Variants in AASS observed in about 807,000 individuals in gnomAD.
AASS encodes the protein alpha-aminoadipic semialdehyde synthase, mitochondrial.
AASS carries 86 observed loss-of-function variants against 105.4 expected under a neutral mutation model. The observed-to-expected ratio is 0.82, with a 90% CI of 0.69 to 0.98. AASS has a LOEUF of 0.98. AASS is among the 50% of genes least tolerant of loss of function. The pLI is 0.00. For missense variants in AASS, 1,048 were observed against 1,143.2 expected (o/e 0.92, Z 1.20); for synonymous variants, 381 against 394.8 (o/e 0.96, Z 0.41).
chr7:122,103,626 T>A (rs1794532567), intron 11 of AASS, among the ~76,000 whole-genome samples: 1 of 151,902 alleles, frequency 6.6e-6, no homozygotes, highest in South Asian at 2.1e-4. Flanking sequence ...GAAGTTAAAA[T>A]TCAAAACAGT....
At chr7:122,085,843 T>C (rs866662198) in intron 19 of AASS, among the ~76,000 whole-genome samples, 169 bp downstream of exon 19, 33 of 152,276 alleles carry the variant, frequency 2.2e-4, no homozygotes, top group Middle Eastern at 3.4e-3. Flanking sequence ...ATTATCTTTT[T>C]ATTTTGAGGT....
At chr7:122,120,243 T>G (rs532367683) in intron 4 of AASS, among the ~76,000 whole-genome samples, 7 of 152,206 alleles carry the variant, frequency 4.6e-5, no homozygotes, top group Non-Finnish European at 1.0e-4. Flanking sequence ...TGCCTATTAG[T>G]GGAATTTAGT....
At chr7:122,084,933 G>C (rs1451837014) in intron 19 of AASS, among the ~76,000 whole-genome samples, 1 of 152,086 alleles carries the variant, frequency 6.6e-6, no homozygotes, top group Non-Finnish European at 1.5e-5. Flanking sequence ...TAGGTATGCT[G>C]GTTACATTAG....
chr7:122,136,560 T>C lies in AASS; in HGVS notation c.-15-2819A>G, dbSNP rs377377730. On this transcript the variant is annotated intron_variant, in intron 1 of 23. Coordinates refer to ENST00000417368, the MANE Select transcript of AASS (RefSeq NM_005763.4). Reference sequence around the variant, plus strand: ...TGCATTAAACTCAATCCCAAACCCATAACATTCAGTCTTCTCGAAGCCAAA... The same window carrying C: ...TGCATTAAACTCAATCCCAAACCCACAACATTCAGTCTTCTCGAAGCCAAA... Among the ~76,000 whole-genome samples, 11 of 152,312 alleles carry C rather than the reference T, an allele frequency of 7.2e-5. No individual in the cohort carries two copies. The East Asian group carries it at 1.3e-3, about 19-fold the overall frequency.
chr7:122,098,475 C>T lies in AASS; in HGVS notation c.1630G>A (p.Val544Met). 6.2e-7 allele frequency: 1 copy of T among 1,612,200 alleles called. No homozygotes were observed. Among genetic ancestry groups the T allele is most frequent in the Non-Finnish European group, 8.5e-7 (1 of 1,178,774 alleles). The change falls in exon 15 of 24, where the codon GTG becomes ATG. Residue 544 changes from valine to methionine, a missense_variant. By Grantham distance (21) the Val-to-Met change is conservative. Coordinates refer to ENST00000417368, the MANE Select transcript of AASS (RefSeq NM_005763.4). ...CTGATGACAAGATCCTGTTTTGCCA[C>T]CAAGAAGCCCAGCTTCTCTTCTTGT... Reference protein sequence around the residue: ...CKQEEKLGFLVAKQDLVISLL... With the variant: ...CKQEEKLGFLMAKQDLVISLL...
intron 3 of AASS, among the ~76,000 whole-genome samples, chr7:122,126,963 GTCTCTTCTACCTGGAAAATAACAC>G (rs1243125751): frequency 6.6e-6 from 1 of 152,000 alleles, no homozygotes; most frequent in Non-Finnish European, 1.5e-5. Context: ...GTACACTCAG[GTCTCTTCTACCTGGAAAATAACAC>G]TCTCTTTCAA....
Position 122,078,015 on chromosome 7 carries a change from C to T in AASS, c.2486-1G>A, listed in dbSNP as rs759527383. On this transcript the variant is annotated splice_acceptor_variant, in intron 22 of 23. Transcript: ENST00000417368. LOFTEE classifies it high-confidence loss of function. ...ACAATCATATCTTTTTCTTCAGGACCTTAAAACAAATAAAGATAAGTAAAA... is the reference window on the plus strand; with the variant it reads ...ACAATCATATCTTTTTCTTCAGGACTTTAAAACAAATAAAGATAAGTAAAA... 3.0e-5 allele frequency: 49 copies of T among 1,613,484 alleles called. No homozygotes were observed. The highest frequency in any genetic ancestry group is 4.2e-5 in the Non-Finnish European group (49 of 1,179,584).
chr7:122,085,604 G>A (rs950320750), intron 19 of AASS, among the ~76,000 whole-genome samples: 4 of 152,120 alleles, frequency 2.6e-5, no homozygotes, highest in Middle Eastern at 3.4e-3. Context: ...GACAAAAATC[G>A]TATTTTTGGC....
intron 20 of AASS, 88 bp downstream of exon 20, chr7:122,081,412 T>G: frequency 1.0e-6 from 1 of 1,002,342 alleles, no homozygotes; most frequent in Non-Finnish European, 1.6e-6. Flanking sequence ...ATAGGATCTT[T>G]TGCAGATCCA....
intron 4 of AASS, among the ~76,000 whole-genome samples, chr7:122,125,802 C>T (rs1411580347): frequency 6.6e-6 from 1 of 151,812 alleles, no homozygotes; most frequent in Non-Finnish European, 1.5e-5. Flanking sequence ...ACTATTTATT[C>T]CTAATTAAAT....
intron 19 of AASS, among the ~76,000 whole-genome samples, chr7:122,082,512 G>A (rs1793395801): frequency 6.6e-6 from 1 of 152,158 alleles, no homozygotes; most frequent in Non-Finnish European, 1.5e-5. Flanking sequence ...GGCAATTAAT[G>A]CAGCTCATAA....
At chr7:122,101,339 G>A (rs768403825) in intron 13 of AASS, 32 bp downstream of exon 13, 3 of 1,515,398 alleles carry the variant, frequency 2.0e-6, no homozygotes, top group Admixed American at 1.7e-5. Flanking sequence ...AAGAATAAAT[G>A]TATAAAACAA....
At chr7:122,120,239 T>A (rs1484282661) in intron 4 of AASS, among the ~76,000 whole-genome samples, 1 of 152,180 alleles carries the variant, frequency 6.6e-6, no homozygotes, top group Non-Finnish European at 1.5e-5. Context: ...TAAATGCCTA[T>A]TAGTGGAATT....
intron 21 of AASS, 164 bp downstream of exon 21, chr7:122,079,433 C>G: frequency 1.8e-6 from 2 of 1,134,722 alleles, no homozygotes; most frequent in Non-Finnish European, 2.5e-6. Flanking sequence ...CTCTCTTTAT[C>G]TACTCTTTAT....
intron 2 of AASS, among the ~76,000 whole-genome samples, 200 bp downstream of exon 2, chr7:122,133,317 G>C (rs1191533099): frequency 6.6e-6 from 1 of 152,076 alleles, no homozygotes; most frequent in Non-Finnish European, 1.5e-5. Context: ...ATGAAGGAGA[G>C]AATGATTGAA....
Position 122,093,106 on chromosome 7 carries a change from T to C in AASS, c.1708A>G (p.Lys570Glu), listed in dbSNP as rs749306292. 28 of 1,614,014 alleles carry C rather than the reference T, an allele frequency of 1.7e-5. No homozygotes were observed. Among genetic ancestry groups the C allele is most frequent in the Middle Eastern group, 3.3e-4 (2 of 6,058 alleles). The change falls in exon 16 of 24, where the codon AAA becomes GAA. Residue 570 changes from lysine to glutamate, a missense_variant. Transcript: ENST00000417368. Reference sequence around the variant, plus strand: ...TAGCTTGCAGTGACCATGTTAACTTTGTTTGTGATGCAGGCCTTGGCCACA... The same window carrying C: ...TAGCTTGCAGTGACCATGTTAACTTCGTTTGTGATGCAGGCCTTGGCCACA... ...PLVAKACITN[K>E]VNMVTASYIT...
chr7:122,093,007 C>T (rs773492457), intron 16 of AASS, 41 bp downstream of exon 16: 4 of 1,609,708 alleles, frequency 2.5e-6, no homozygotes, highest in Non-Finnish European at 1.7e-6. Context: ...AAAAACAATG[C>T]CATGGATCCA....
At chr7:122,084,498 T>A (rs2150510834) in intron 19 of AASS, among the ~76,000 whole-genome samples, 1 of 152,274 alleles carries the variant, frequency 6.6e-6, no homozygotes, top group East Asian at 1.9e-4. Flanking sequence ...TGGAAGACAT[T>A]ATGCTAAGTG....
chr7:122,089,903 A>C (rs918833020), intron 18 of AASS, among the ~76,000 whole-genome samples: 1 of 152,194 alleles, frequency 6.6e-6, no homozygotes, highest in Non-Finnish European at 1.5e-5. Context: ...CTGCCTTCAC[A>C]TGTTAATTTA....
Sources: gnomAD v4.1 joint callset for allele counts (sites outside exome capture counted in the v4.1 genomes callset) on GRCh38, gnomAD v4.1.1 for gene constraint, MANE v1.5 for transcripts, NCBI Gene and HGNC (gene_info 2026-07-23, HGNC 2026-07-21) for gene names.